CNTNAP2: variants seen among roughly 807,000 people sequenced by gnomAD.
The protein encoded by CNTNAP2 is contactin-associated protein-like 2.
CNTNAP2 carries 98 observed loss-of-function variants against 155.2 expected under a neutral mutation model. The observed-to-expected ratio is 0.63, with a 90% CI of 0.54 to 0.75. The LOEUF (loss-of-function observed/expected upper bound fraction) is 0.75. Among genes scored for constraint, CNTNAP2 ranks in the 30% least tolerant of loss-of-function variants. CNTNAP2 has a pLI of 0.00. For missense variants in CNTNAP2, 1,727 were observed against 1,688.1 expected, an observed-to-expected ratio of 1.02 and a Z score of -0.40; for synonymous variants, 651 against 631.2, an observed-to-expected ratio of 1.03 and a Z score of -0.47.
At chr7:147,590,957 A>G (rs985170226) in intron 12 of CNTNAP2, among the ~76,000 whole-genome samples, 9 of 152,232 alleles carry the variant, frequency 5.9e-5, no homozygotes, top group African/African-American at 1.9e-4. Flanking sequence ...TTCTAATAGC[A>G]TGCTGATATC....
chr7:147,738,821 A>C (rs1276789623), intron 13 of CNTNAP2, among the ~76,000 whole-genome samples: 2 of 151,894 alleles, frequency 1.3e-5, no homozygotes, highest in South Asian at 4.2e-4. Context: ...TGCACAGCTA[A>C]TTTTTGTATT....
rs994555950 is a variant in CNTNAP2, at chr7:148,208,864, G to T, written c.3011-8424G>T. Reference sequence around the variant, plus strand: ...CTCATTCAGACCTCGTGTTCAAGGGGTCCCCGGGGTGCCCTAATTACTTCC... The same window carrying T: ...CTCATTCAGACCTCGTGTTCAAGGGTTCCCCGGGGTGCCCTAATTACTTCC... On this transcript the variant is annotated intron_variant, in intron 18 of 23. Coordinates refer to ENST00000361727, the MANE Select transcript of CNTNAP2 (RefSeq NM_014141.6). Among the ~76,000 whole-genome samples, 15 of 152,058 alleles carry T rather than the reference G, an allele frequency of 9.9e-5. No homozygotes were observed. In the East Asian group the frequency reaches 2.7e-3, roughly 27 times the overall value.
chr7:146,622,162 TACAC>T (rs201065097), intron 1 of CNTNAP2, among the ~76,000 whole-genome samples: 6 of 145,548 alleles, frequency 4.1e-5, no homozygotes, highest in East Asian at 2.0e-4. Flanking sequence ...TATATATATA[TACAC>T]ACACGTATAT....
At chr7:146,776,933 T>C (rs1436593991) in intron 2 of CNTNAP2, among the ~76,000 whole-genome samples, 3 of 152,164 alleles carry the variant, frequency 2.0e-5, no homozygotes, top group Admixed American at 1.3e-4. Context: ...TTACTTTCCT[T>C]ATAGTAGTTT....
At chr7:146,339,446 T>A (rs1801336197) in intron 1 of CNTNAP2, among the ~76,000 whole-genome samples, 1 of 152,180 alleles carries the variant, frequency 6.6e-6, no homozygotes, top group African/African-American at 2.4e-5. Flanking sequence ...TAGTGACATG[T>A]CCTAAGATAA....
At chr7:146,881,672 A>G (rs982497533) in intron 3 of CNTNAP2, among the ~76,000 whole-genome samples, 5 of 151,956 alleles carry the variant, frequency 3.3e-5, no homozygotes, top group Non-Finnish European at 7.4e-5. Context: ...AAACTAAGGG[A>G]AAAAATAGCA....
At chr7:147,977,046 C>T (rs1392628948) in intron 14 of CNTNAP2, among the ~76,000 whole-genome samples, 1 of 152,074 alleles carries the variant, frequency 6.6e-6, no homozygotes, top group Non-Finnish European at 1.5e-5. Context: ...ACTGATTTTC[C>T]ATGAAGGTGA....
intron 12 of CNTNAP2, among the ~76,000 whole-genome samples, chr7:147,601,423 T>G (rs959695343): frequency 6.6e-6 from 1 of 151,844 alleles, no homozygotes; most frequent in Non-Finnish European, 1.5e-5. Flanking sequence ...GTGGGGGAGC[T>G]TTTGAGCCAG....
chr7:147,539,512 G>A (rs1381966692), intron 11 of CNTNAP2, among the ~76,000 whole-genome samples: 1 of 152,202 alleles, frequency 6.6e-6, no homozygotes, highest in Non-Finnish European at 1.5e-5. Flanking sequence ...CACTAGGATA[G>A]TCTGAGAATA....
chr7:147,580,571 A>G (rs1052539199), intron 12 of CNTNAP2, among the ~76,000 whole-genome samples: 32 of 146,564 alleles, frequency 2.2e-4, no homozygotes, highest in Non-Finnish European at 4.6e-4. Flanking sequence ...ATTGCTGTCT[A>G]TTTCCATCGG....
At chr7:147,932,020 G>T (rs184957468) in intron 14 of CNTNAP2, among the ~76,000 whole-genome samples, 1 of 152,054 alleles carries the variant, frequency 6.6e-6, no homozygotes, top group Non-Finnish European at 1.5e-5. Flanking sequence ...CAAGTAACTG[G>T]AACTACAGGT....
chr7:147,928,639 AG>A, intron 14 of CNTNAP2, among the ~76,000 whole-genome samples: 1 of 152,280 alleles, frequency 6.6e-6, no homozygotes. Context: ...ATATAAATGT[AG>A]GTCGTGTTTC....
intron 12 of CNTNAP2, among the ~76,000 whole-genome samples, chr7:147,616,565 T>G (rs1296143727): frequency 6.6e-6 from 1 of 152,196 alleles, no homozygotes; most frequent in Non-Finnish European, 1.5e-5. Context: ...TAGTTCATCT[T>G]AGATTACTCT....
Position 146,132,412 on chromosome 7 carries a change from GTTTA to G in CNTNAP2, c.97+15447_97+15450del, listed in dbSNP as rs531479468. Among the ~76,000 whole-genome samples, 56 of 151,996 alleles carry G rather than the reference GTTTA, an allele frequency of 3.7e-4. 1 individual carries two copies. Among genetic ancestry groups the G allele is most frequent in the African/African-American group, 1.2e-3 (50 of 41,498 alleles). On this transcript the variant is annotated intron_variant, in intron 1 of 23. Coordinates refer to ENST00000361727, the MANE Select transcript of CNTNAP2 (RefSeq NM_014141.6). ...TAATGTAACATTTATTTATTTATTTGTTTATTTATTTTTTTATTATACTTTAAGT... is the reference window on the plus strand; with the variant it reads ...TAATGTAACATTTATTTATTTATTTGTTTATTTTTTTATTATACTTTAAGT...
chr7:146,628,161 A>G (rs1293344038), intron 1 of CNTNAP2, among the ~76,000 whole-genome samples: 1 of 152,168 alleles, frequency 6.6e-6, no homozygotes, highest in African/African-American at 2.4e-5. Flanking sequence ...AATGAGCTTT[A>G]GACCATTCCT....
chr7:147,620,093 A>C (rs761201423), intron 12 of CNTNAP2, among the ~76,000 whole-genome samples: 1 of 152,238 alleles, frequency 6.6e-6, no homozygotes, highest in Non-Finnish European at 1.5e-5. Context: ...TAGTATGTCT[A>C]TGAGTCTGCA....
At chr7:147,433,016 C>G (rs1243134945) in intron 10 of CNTNAP2, among the ~76,000 whole-genome samples, 1 of 152,282 alleles carries the variant, frequency 6.6e-6, no homozygotes, top group East Asian at 1.9e-4. Flanking sequence ...ATGTATGATT[C>G]ATTTCAAAAC....
At chr7:146,559,696 T>G (rs1798251654) in intron 1 of CNTNAP2, among the ~76,000 whole-genome samples, 1 of 152,224 alleles carries the variant, frequency 6.6e-6, no homozygotes, top group South Asian at 2.1e-4. Flanking sequence ...TTGAATATCA[T>G]AAGTTTGATA....
intron 16 of CNTNAP2, among the ~76,000 whole-genome samples, chr7:148,142,449 G>C (rs190283850): frequency 6.6e-6 from 1 of 152,212 alleles, no homozygotes; most frequent in Non-Finnish European, 1.5e-5. Flanking sequence ...ATAGAGTGAG[G>C]CTGAAATATC....
Sources: allele counts gnomAD v4.1 joint callset (sites outside exome capture counted in the v4.1 genomes callset), GRCh38; gene constraint gnomAD v4.1.1; transcripts MANE v1.5; gene names NCBI Gene and HGNC (gene_info 2026-07-23, HGNC 2026-07-21).